Variants in ARHGEF3 observed in about 807,000 individuals in gnomAD.
ARHGEF3 encodes 59.8 kDA protein.
Under a neutral mutation model 63.2 loss-of-function variants are expected in ARHGEF3, and 28 were observed. The observed-to-expected ratio is 0.44, with a 90% confidence interval of 0.33 to 0.61. ARHGEF3 has a LOEUF of 0.61. Ranked by LOEUF, ARHGEF3 falls within the 20% of genes least tolerant of loss-of-function variation. The pLI is 0.03. For missense variants in ARHGEF3, 533 were observed against 659.3 expected (o/e 0.81, Z 2.10); for synonymous variants, 266 against 254.2 (o/e 1.05, Z -0.44).
intron 1 of ARHGEF3, among the ~76,000 whole-genome samples, chr3:56,790,073 A>G (rs1451472408): frequency 2.0e-5 from 3 of 152,240 alleles, no homozygotes; most frequent in Non-Finnish European, 4.4e-5. Flanking sequence ...ACAGACTCTG[A>G]AATTCCAAGA....
intron 1 of ARHGEF3, among the ~76,000 whole-genome samples, chr3:56,800,674 T>A (rs1233021204): frequency 6.6e-6 from 1 of 152,188 alleles, no homozygotes; most frequent in African/African-American, 2.4e-5. Flanking sequence ...AAGAATGCTG[T>A]GACAAGGCCG....
At chr3:56,979,481 C>G (rs1432661745) in intron 2 of ARHGEF3, among the ~76,000 whole-genome samples, 1 of 152,242 alleles carries the variant, frequency 6.6e-6, no homozygotes, top group East Asian at 1.9e-4. Flanking sequence ...AGATGCCACA[C>G]CTTCCCAAGG....
chr3:56,868,536 T>C (rs1017107663), intron 4 of ARHGEF3, among the ~76,000 whole-genome samples: 1 of 152,066 alleles, frequency 6.6e-6, no homozygotes, highest in Non-Finnish European at 1.5e-5. Context: ...CTAATTTTTA[T>C]ATTTTTAGTA....
intron 3 of ARHGEF3, among the ~76,000 whole-genome samples, chr3:56,907,266 C>A (rs982160705): frequency 6.6e-6 from 1 of 152,164 alleles, no homozygotes; most frequent in Non-Finnish European, 1.5e-5. Context: ...CAGGCATGAG[C>A]CACGGCGCCT....
intron 7 of ARHGEF3, among the ~76,000 whole-genome samples, chr3:56,744,319 C>T (rs1180962061): frequency 6.6e-6 from 1 of 151,758 alleles, no homozygotes; most frequent in African/African-American, 2.4e-5. Flanking sequence ...ATGATGTGCA[C>T]CCCATTTTTC....
chr3:56,781,544 C>G (rs2036568865), intron 1 of ARHGEF3, among the ~76,000 whole-genome samples: 1 of 152,140 alleles, frequency 6.6e-6, no homozygotes, highest in South Asian at 2.1e-4. Flanking sequence ...CCACACCCGG[C>G]CTCTGCTGAC....
chr3:56,977,624 G>A (rs1227609561), intron 2 of ARHGEF3, among the ~76,000 whole-genome samples: 1 of 152,128 alleles, frequency 6.6e-6, no homozygotes, highest in African/African-American at 2.4e-5. Context: ...AGGCTGACAG[G>A]GAGATGGGGC....
At chr3:56,771,130 T>C (rs2035985160) in intron 2 of ARHGEF3, among the ~76,000 whole-genome samples, 1 of 151,478 alleles carries the variant, frequency 6.6e-6, no homozygotes, top group South Asian at 2.1e-4. Flanking sequence ...AAAAAAAAAT[T>C]ATTTTGCCAA....
chr3:56,842,636 C>A lies in ARHGEF3; in HGVS notation c.192+39656G>T, dbSNP rs577175675. Among the ~76,000 whole-genome samples the A allele has an allele frequency of 7.7e-4, 118 of 152,310 alleles. 3 individuals carry two copies. Among genetic ancestry groups the A allele is most frequent in the Non-Finnish European group, 7.3e-4 (50 of 68,036 alleles). On this transcript the variant is annotated intron_variant, in intron 4 of 12. Coordinates refer to the ARHGEF3 transcript ENST00000338458. ...CCCTGCCCCCTACAATCATGTAGCCCTGGAAGATTACCTAAGCTAAGACAA... is the reference window on the plus strand; with the variant it reads ...CCCTGCCCCCTACAATCATGTAGCCATGGAAGATTACCTAAGCTAAGACAA...
At chr3:56,793,225 A>G (rs1294067162) in intron 1 of ARHGEF3, among the ~76,000 whole-genome samples, 3 of 148,762 alleles carry the variant, frequency 2.0e-5, no homozygotes, top group Non-Finnish European at 3.0e-5. Flanking sequence ...GCTGGAGTGC[A>G]GTGGCGCAAT....
intron 3 of ARHGEF3, among the ~76,000 whole-genome samples, chr3:56,921,607 T>C (rs754592051): frequency 6.6e-6 from 1 of 152,308 alleles, no homozygotes; most frequent in East Asian, 1.9e-4. Flanking sequence ...ACCTGAACAA[T>C]TCCTCTGCCT....
chr3:56,884,463 T>A (rs2040858788), intron 3 of ARHGEF3, among the ~76,000 whole-genome samples: 1 of 152,230 alleles, frequency 6.6e-6, no homozygotes, highest in Admixed American at 6.5e-5. Context: ...TACAGAGCAG[T>A]GGCGTTCTAC....
chr3:56,776,702 GAGAACT>G (rs1197721767), intron 1 of ARHGEF3, among the ~76,000 whole-genome samples: 1 of 152,162 alleles, frequency 6.6e-6, no homozygotes, highest in African/African-American at 2.4e-5. Context: ...TAGCTCTACT[GAGAACT>G]AGCAAATGCA....
intron 1 of ARHGEF3, among the ~76,000 whole-genome samples, chr3:56,780,267 T>TC: frequency 6.6e-6 from 1 of 152,194 alleles, no homozygotes; most frequent in Admixed American, 6.5e-5. Context: ...TAAAGATTAT[T>TC]CCCCCTGCCA....
chr3:57,010,200 A>G (rs1162749572), intron 2 of ARHGEF3, among the ~76,000 whole-genome samples: 1 of 151,826 alleles, frequency 6.6e-6, no homozygotes, highest in African/African-American at 2.4e-5. Context: ...CACGCCTGTA[A>G]TCCCAGCACT....
At chr3:57,030,612 G>A (rs1703691395) in intron 2 of ARHGEF3, among the ~76,000 whole-genome samples, 2 of 152,182 alleles carry the variant, frequency 1.3e-5, no homozygotes, top group African/African-American at 2.4e-5. Context: ...TTACAAGAAA[G>A]ACAAGGACTT....
chr3:56,983,746 G>C (rs1437755283), intron 2 of ARHGEF3, among the ~76,000 whole-genome samples: 1 of 152,080 alleles, frequency 6.6e-6, no homozygotes, highest in East Asian at 1.9e-4. Context: ...GGCCATCCTG[G>C]CCAATATGGT....
At chr3:56,806,337 G>A (rs914787437), upstream of ARHGEF3, among the ~76,000 whole-genome samples, 4 of 152,222 alleles carry the variant, frequency 2.6e-5, no homozygotes, top group African/African-American at 4.8e-5. Context: ...CTGCAATGCC[G>A]CCAAGCTAAG....
intron 2 of ARHGEF3, chr3:56,977,444 G>A: frequency 1.0e-5 from 4 of 389,250 alleles, no homozygotes; most frequent in East Asian, 7.5e-5. Flanking sequence ...TTATGACCCA[G>A]GCAAAGATGC....
Sources: gnomAD v4.1 joint callset for allele counts (sites outside exome capture counted in the v4.1 genomes callset) on GRCh38, gnomAD v4.1.1 for gene constraint, MANE v1.5 for transcripts, NCBI Gene and HGNC (gene_info 2026-07-23, HGNC 2026-07-21) for gene names.